Variants in RAD51B observed in about 807,000 individuals in gnomAD.
RAD51B encodes the protein DNA repair protein RAD51 homolog 2.
RAD51B carries 38 observed loss-of-function variants against 42.2 expected under a neutral mutation model. That is an observed-to-expected ratio of 0.90 (90% confidence interval 0.70 to 1.18). The LOEUF is 1.18. Among genes scored for constraint, RAD51B ranks in the 50% most tolerant of loss-of-function variants. RAD51B has a pLI of 0.00. For missense variants in RAD51B, 373 were observed against 400.7 expected, an observed-to-expected ratio of 0.93 and a Z score of 0.59; for synonymous variants, 154 against 145.2, an observed-to-expected ratio of 1.06 and a Z score of -0.43.
chr14:68,296,682 G>A lies in RAD51B; in HGVS notation c.853+4702G>A, dbSNP rs557346187. Among the ~76,000 whole-genome samples the A allele has an allele frequency of 3.3e-5, 5 of 152,330 alleles. No individual in the cohort carries two copies. The South Asian group carries it at 1.0e-3, about 32-fold the overall frequency. On this transcript the variant is annotated intron_variant, in intron 8 of 10. Coordinates refer to ENST00000471583, the MANE Select transcript of RAD51B (RefSeq NM_133510.4). ...AGCCCTGTGCAAGATTGAAGCTATA[G>A]ACCATTGGCTTGCTTTCTTCTGACG...
intron 10 of RAD51B, among the ~76,000 whole-genome samples, chr14:68,564,618 C>CG (rs1458290715): frequency 6.6e-6 from 1 of 152,154 alleles, no homozygotes; most frequent in Non-Finnish European, 1.5e-5. Context: ...GCCTTAACCC[C>CG]GGGGTGGGTG....
At chr14:68,609,444 C>T (rs1423687760) in intron 10 of RAD51B, among the ~76,000 whole-genome samples, 2 of 152,166 alleles carry the variant, frequency 1.3e-5, no homozygotes, top group Non-Finnish European at 2.9e-5. Flanking sequence ...TCTCACCCCC[C>T]TCAGAGCTCA....
chr14:68,022,659 A>G (rs1279000087), intron 7 of RAD51B, among the ~76,000 whole-genome samples: 1 of 148,938 alleles, frequency 6.7e-6, no homozygotes, highest in Non-Finnish European at 1.5e-5. Flanking sequence ...TTTTCTTCCA[A>G]CTCTTATTTC....
At chr14:67,992,755 G>T (rs1431572311) in intron 7 of RAD51B, among the ~76,000 whole-genome samples, 3 of 149,174 alleles carry the variant, frequency 2.0e-5, no homozygotes, top group African/African-American at 7.4e-5. Flanking sequence ...AAGGAAAAAT[G>T]TTTTTTTTTT....
chr14:68,273,571 C>T (rs1004605807), intron 7 of RAD51B, among the ~76,000 whole-genome samples: 15 of 152,180 alleles, frequency 9.9e-5, no homozygotes, highest in African/African-American at 3.6e-4. Context: ...TATCAGGCCC[C>T]GTTAGCCTGC....
At chr14:68,404,836 A>T (rs1714449327) in intron 8 of RAD51B, among the ~76,000 whole-genome samples, 3 of 152,310 alleles carry the variant, frequency 2.0e-5, no homozygotes, top group Non-Finnish European at 4.4e-5. Context: ...GAAGCCGAGT[A>T]TGGAGCCTGA....
exon 11 of RAD51B, chr14:68,611,057 C>A: frequency 5.7e-6 from 4 of 703,220 alleles, no homozygotes; most frequent in Non-Finnish European, 1.0e-5. Flanking sequence ...TGGTCAGCAG[C>A]AGACTCACAT....
In RAD51B at chr14:68,624,686, C is replaced by T. The variant is rs765051884; in HGVS notation, c.1037-26095C>T. On this transcript the variant is annotated intron_variant, in intron 10 of 11. Coordinates refer to the RAD51B transcript ENST00000488612. ...GGTTCTCGGTGCTGTTGAAACTCAG[C>T]GCATGCGTGGGCAGTTCAGGAAAGT... 7.2e-5 allele frequency among the ~76,000 whole-genome samples: 11 copies of T among 152,072 alleles called. 1 individual carries two copies. The highest frequency in any genetic ancestry group is 5.8e-4 in the East Asian group (3 of 5,190).
At chr14:68,485,713 A>G (rs765481459) in intron 10 of RAD51B, among the ~76,000 whole-genome samples, 1 of 152,198 alleles carries the variant, frequency 6.6e-6, no homozygotes, top group Non-Finnish European at 1.5e-5. Context: ...CAGGTCTTGT[A>G]AAGTCCAGAT....
At chr14:68,283,102 C>T (rs188783099) in intron 7 of RAD51B, among the ~76,000 whole-genome samples, 10 of 152,308 alleles carry the variant, frequency 6.6e-5, no homozygotes, top group East Asian at 1.9e-4. Context: ...TAATACCAGC[C>T]GTCTGTGAGG....
intron 7 of RAD51B, among the ~76,000 whole-genome samples, chr14:68,285,898 T>C (rs1038400838): frequency 6.6e-6 from 1 of 152,154 alleles, no homozygotes; most frequent in Non-Finnish European, 1.5e-5. Flanking sequence ...TTTGTCAAAA[T>C]TCATATAAGA....
At chr14:68,509,262 T>C (rs1885552478) in intron 10 of RAD51B, among the ~76,000 whole-genome samples, 1 of 141,830 alleles carries the variant, frequency 7.1e-6, no homozygotes, top group African/African-American at 2.6e-5. Flanking sequence ...GGTTGTCAAG[T>C]GGTCGTGTGG....
intron 7 of RAD51B, among the ~76,000 whole-genome samples, chr14:68,196,850 A>C (rs2079383223): frequency 6.6e-6 from 1 of 152,232 alleles, no homozygotes; most frequent in African/African-American, 2.4e-5. Context: ...AAGGTGAATA[A>C]AACATAGACT....
At chr14:67,823,710 G>A (rs1003955489) in intron 2 of RAD51B, 83 bp downstream of exon 2, 2 of 958,458 alleles carry the variant, frequency 2.1e-6, no homozygotes, top group Middle Eastern at 2.2e-4. Flanking sequence ...CTTGAAATAT[G>A]AAAATGTAGG....
At chr14:68,567,960 G>T (rs947736776) in intron 10 of RAD51B, among the ~76,000 whole-genome samples, 2 of 152,114 alleles carry the variant, frequency 1.3e-5, no homozygotes, top group Non-Finnish European at 2.9e-5. Context: ...TGATATGAAT[G>T]GGGCCCCTGG....
intron 7 of RAD51B, among the ~76,000 whole-genome samples, chr14:67,930,984 G>A (rs887718801): frequency 1.3e-5 from 2 of 150,582 alleles, no homozygotes; most frequent in African/African-American, 2.4e-5. Flanking sequence ...GCAGTGGTGC[G>A]ATCTCAGCTC....
chr14:68,553,634 T>C (rs1888684963), intron 10 of RAD51B, among the ~76,000 whole-genome samples: 1 of 149,128 alleles, frequency 6.7e-6, no homozygotes, highest in Non-Finnish European at 1.5e-5. Context: ...GGTCACACTG[T>C]GTGATTTAGG....
At chr14:67,953,865 A>G (rs1368832350) in intron 7 of RAD51B, among the ~76,000 whole-genome samples, 1 of 152,172 alleles carries the variant, frequency 6.6e-6, no homozygotes, top group Non-Finnish European at 1.5e-5. Context: ...AGTGTTTGAG[A>G]TGAATGTGTA....
intron 11 of RAD51B, among the ~76,000 whole-genome samples, chr14:68,680,036 G>A (rs193099311): frequency 6.6e-6 from 1 of 152,188 alleles, no homozygotes; most frequent in East Asian, 1.9e-4. Flanking sequence ...TTTTCCATAT[G>A]AGCCACTTTT....
Sources: allele counts gnomAD v4.1 joint callset (sites outside exome capture counted in the v4.1 genomes callset), GRCh38; gene constraint gnomAD v4.1.1; transcripts MANE v1.5; gene names NCBI Gene and HGNC (gene_info 2026-07-23, HGNC 2026-07-21).